ARHGEF9: variants seen among roughly 807,000 people sequenced by gnomAD.
ARHGEF9 encodes the protein rho guanine nucleotide exchange factor 9.
ARHGEF9 carries 2 observed loss-of-function variants against 41.3 expected under a neutral mutation model. The observed-to-expected ratio is 0.05, with a 90% confidence interval of 0.02 to 0.15. The LOEUF is 0.15. ARHGEF9 is among the 10% of genes least tolerant of loss of function. The pLI is 1.00. For synonymous variants in ARHGEF9, 160 were observed against 154.4 expected (o/e 1.04, Z -0.27); for missense variants, 225 against 424.7 (o/e 0.53, Z 4.13).
At chrX:63,649,337 C>T (rs1199601541) in intron 8 of ARHGEF9, among the ~76,000 whole-genome samples, 2 of 110,613 alleles carry the variant, frequency 1.8e-5, no homozygotes, top group Non-Finnish European at 3.8e-5. Context: ...TCCTGAATGA[C>T]TACTGGGTAC....
intron 4 of ARHGEF9, among the ~76,000 whole-genome samples, chrX:63,694,079 A>T (rs2051567370): frequency 9.1e-6 from 1 of 110,000 alleles, no homozygotes; most frequent in South Asian, 3.9e-4. Flanking sequence ...GCTACTTGGG[A>T]CAGTGAGGCA....
At chrX:63,735,935 A>C (rs1366169000) in intron 1 of ARHGEF9, among the ~76,000 whole-genome samples, 1 of 112,105 alleles carries the variant, frequency 8.9e-6, no homozygotes, top group African/African-American at 3.2e-5. Context: ...AAAGACATCC[A>C]GCCAAGGCCA....
intron 1 of ARHGEF9, among the ~76,000 whole-genome samples, chrX:63,780,711 A>T (rs1235493630): frequency 1.8e-5 from 2 of 112,187 alleles, no homozygotes; most frequent in Non-Finnish European, 3.8e-5. Flanking sequence ...GAAGCTTGAA[A>T]TTAGCACCTT....
In ARHGEF9 at chrX:63,760,058, A is replaced by G. The variant is rs2056007996; in HGVS notation, c.30+25058T>C. 2.7e-5 allele frequency among the ~76,000 whole-genome samples: 3 copies of G among 110,977 alleles called. No individual in the cohort carries two copies. In the South Asian group the frequency reaches 1.2e-3, roughly 43 times the overall value. On this transcript the variant is annotated intron_variant, in intron 1 of 9. Coordinates refer to ENST00000671741, the MANE Select transcript of ARHGEF9 (RefSeq NM_001353921.2). ...CTCAGTGGCCTACCTCCCAAACCCA[A>G]GATCCCTAGTTCTCAAACCTTTTCC...
At chrX:63,702,346 T>C in intron 3 of ARHGEF9, among the ~76,000 whole-genome samples, 1 of 112,426 alleles carries the variant, frequency 8.9e-6, no homozygotes, top group East Asian at 2.8e-4. Flanking sequence ...TATCACCAAT[T>C]GTTGGTCAAG....
chrX:63,708,501 G>A (rs1436946126), intron 2 of ARHGEF9, among the ~76,000 whole-genome samples: 8 of 112,102 alleles, frequency 7.1e-5, no homozygotes, highest in African/African-American at 2.6e-4. Context: ...TGACACTGTC[G>A]TTCCAAATAA....
At chrX:63,688,158 T>C (rs2147390158) in intron 4 of ARHGEF9, among the ~76,000 whole-genome samples, 1 of 111,006 alleles carries the variant, frequency 9.0e-6, no homozygotes, top group East Asian at 2.8e-4. Flanking sequence ...ATTCCTGTGG[T>C]AACAGAGTTT....
At chrX:63,702,356 G>A (rs1556396594) in intron 3 of ARHGEF9, among the ~76,000 whole-genome samples, 5 of 112,185 alleles carry the variant, frequency 4.5e-5, no homozygotes, top group Non-Finnish European at 3.8e-5. Context: ...TGTTGGTCAA[G>A]GTGATCTAGA....
chrX:63,698,839 C>T (rs1478816339), intron 3 of ARHGEF9, among the ~76,000 whole-genome samples: 3 of 112,017 alleles, frequency 2.7e-5, no homozygotes. Flanking sequence ...GATTTGTGCC[C>T]TCATTGACTG....
intron 8 of ARHGEF9, among the ~76,000 whole-genome samples, chrX:63,648,384 A>C (rs1306631241): frequency 1.8e-5 from 2 of 111,442 alleles, no homozygotes; most frequent in Non-Finnish European, 3.8e-5. Context: ...AAAATCCTTT[A>C]CAGACAAGCA....
chrX:63,649,098 G>C lies in ARHGEF9; in HGVS notation c.1322-5050C>G, dbSNP rs782122834. The stretch of plus-strand genomic sequence containing the variant: ...ATTGAACTCAGCTCTGCACCAAGCA[G>C]ACCTAATAGACATCTACAGAACTCT... On this transcript the variant is annotated intron_variant, in intron 8 of 9. Transcript: ENST00000671741. 3.6e-5 allele frequency among the ~76,000 whole-genome samples: 4 copies of C among 111,565 alleles called. No homozygotes were observed. In the South Asian group the frequency reaches 1.5e-3, roughly 42 times the overall value.
intron 1 of ARHGEF9, among the ~76,000 whole-genome samples, chrX:63,773,032 C>T (rs185155267): frequency 9.0e-6 from 1 of 111,725 alleles, no homozygotes; most frequent in Non-Finnish European, 1.9e-5. Flanking sequence ...GACCCTTTGA[C>T]AGTATATGTC....
At chrX:63,711,483 G>A (rs1228577068) in intron 2 of ARHGEF9, among the ~76,000 whole-genome samples, 1 of 111,744 alleles carries the variant, frequency 8.9e-6, no homozygotes, top group Non-Finnish European at 1.9e-5. Context: ...ATAAAACCAG[G>A]AGTCCAGAAA....
chrX:63,713,825 G>T (rs1245230093), intron 2 of ARHGEF9, among the ~76,000 whole-genome samples: 1 of 110,707 alleles, frequency 9.0e-6, no homozygotes, highest in African/African-American at 3.3e-5. Context: ...TAGCATTCCT[G>T]CCTGGCACAA....
intron 8 of ARHGEF9, among the ~76,000 whole-genome samples, chrX:63,647,758 G>A (rs1556318331): frequency 1.8e-5 from 2 of 111,253 alleles, no homozygotes; most frequent in Non-Finnish European, 3.8e-5. Flanking sequence ...AATGAGTTAG[G>A]GAGGATTCCC....
chrX:63,645,712 A>G (rs1229224265), intron 8 of ARHGEF9, among the ~76,000 whole-genome samples: 1 of 112,073 alleles, frequency 8.9e-6, no homozygotes, highest in Non-Finnish European at 1.9e-5. Context: ...TCTTTATAGT[A>G]GCATGATTTA....
intron 2 of ARHGEF9, among the ~76,000 whole-genome samples, chrX:63,715,073 T>C (rs1178667928): frequency 4.6e-5 from 5 of 109,760 alleles, no homozygotes; most frequent in Non-Finnish European, 7.6e-5. Context: ...ACAGATAACA[T>C]AGCTTCCTTC....
intron 7 of ARHGEF9, among the ~76,000 whole-genome samples, chrX:63,664,684 C>T (rs1335173139): frequency 8.9e-6 from 1 of 112,219 alleles, no homozygotes; most frequent in Non-Finnish European, 1.9e-5. Flanking sequence ...TGAGGGTTAG[C>T]TCCATACTGA....
At chrX:63,718,574 C>T (rs782108149) in intron 2 of ARHGEF9, among the ~76,000 whole-genome samples, 2 of 111,596 alleles carry the variant, frequency 1.8e-5, no homozygotes, top group Admixed American at 1.9e-4. Flanking sequence ...AACCAGGTTA[C>T]AAATCCATGC....
Sources: gnomAD v4.1 joint callset for allele counts (sites outside exome capture counted in the v4.1 genomes callset) on GRCh38, gnomAD v4.1.1 for gene constraint, MANE v1.5 for transcripts, NCBI Gene and HGNC (gene_info 2026-07-23, HGNC 2026-07-21) for gene names.